SCEL: variants seen among roughly 807,000 people sequenced by gnomAD.
SCEL encodes the protein sciellin.
SCEL carries 113 observed loss-of-function variants against 117.6 expected under a neutral mutation model. The ratio of observed to expected loss-of-function variants is 0.96; its 90% CI spans 0.83 to 1.12. The LOEUF (loss-of-function observed/expected upper bound fraction) is 1.12. Among genes scored for constraint, SCEL ranks in the 50% most tolerant of loss-of-function variants. The probability of loss-of-function intolerance (pLI) is 0.00; values close to 1 mark genes in which losing one functional copy is unlikely to be tolerated. For missense variants in SCEL, 785 were observed against 810.8 expected (o/e 0.97, Z 0.39); for synonymous variants, 270 against 256.2 (o/e 1.05, Z -0.51).
At chr13:77,644,220 G>A (rs1252810583) in intron 32 of SCEL, 38 bp from the exon 33 acceptor site, 22 of 1,611,188 alleles carry the variant, frequency 1.4e-5, no homozygotes, top group Non-Finnish European at 1.8e-5. Flanking sequence ...GCTTGTTTCT[G>A]TACTGAATTT....
intron 1 of SCEL, among the ~76,000 whole-genome samples, chr13:77,545,711 G>A (rs542647725): frequency 6.6e-6 from 1 of 152,210 alleles, no homozygotes; most frequent in Non-Finnish European, 1.5e-5. Flanking sequence ...GATGATTTGG[G>A]TGACATGGAC....
intron 9 of SCEL, among the ~76,000 whole-genome samples, chr13:77,587,518 C>A (rs566536225): frequency 6.9e-4 from 105 of 152,198 alleles, no homozygotes; most frequent in African/African-American, 2.4e-3. Context: ...TTTCCTAAAT[C>A]CACTCGTATG....
chr13:77,543,150 C>G (rs1416054851), intron 1 of SCEL, among the ~76,000 whole-genome samples: 1 of 136,660 alleles, frequency 7.3e-6, no homozygotes, highest in Non-Finnish European at 1.5e-5. Flanking sequence ...GTGGCGGGAT[C>G]TCGGCTCACT....
In SCEL at chr13:77,556,612, T is replaced by G; in HGVS notation, c.60T>G (p.Thr20=). 1 of 1,613,838 alleles carries G rather than the reference T, an allele frequency of 6.2e-7. No individual in the cohort carries two copies. Among genetic ancestry groups the G allele is most frequent in the Non-Finnish European group, 8.5e-7 (1 of 1,179,760 alleles). The stretch of plus-strand genomic sequence containing the variant: ...TGTTGATAGAGATGAAGAGCACCAC[T>G]CAGGGAACCACACGGAAGCAGCAGG... ...SPTGNEMKST[T]QGTTRKQQDF... is the part of the protein sequence containing the mutation. Residue 20 remains threonine, a synonymous_variant, in exon 3 of 33, where the codon ACT becomes ACG. Transcript: ENST00000349847.
chr13:77,606,800 A>G (rs1033598062), intron 19 of SCEL, among the ~76,000 whole-genome samples: 2 of 152,190 alleles, frequency 1.3e-5, no homozygotes, highest in Non-Finnish European at 2.9e-5. Context: ...GCTTTTGGAC[A>G]TGGCCTTAAT....
chr13:77,628,826 A>G (rs1594172771), intron 28 of SCEL, among the ~76,000 whole-genome samples: 1 of 152,138 alleles, frequency 6.6e-6, no homozygotes, highest in South Asian at 2.1e-4. Flanking sequence ...TCCGACAGGT[A>G]GATAGTTTCT....
chr13:77,628,417 G>C (rs1265144376), intron 28 of SCEL, among the ~76,000 whole-genome samples: 3 of 151,840 alleles, frequency 2.0e-5, no homozygotes, highest in African/African-American at 7.3e-5. Context: ...CTCTTCCTTG[G>C]ATGCCTAGTG....
chr13:77,603,135 G>T lies in SCEL; in HGVS notation c.1097G>T (p.Gly366Val). ...CCCAAAGGACATGAAAATACCACTG[G>T]GTAAAAATAATTAATGTCTTTAATT... ...VNPKGHENTT[G>V]KKDLDGLIKV... The change falls in exon 18 of 33, where the codon GGA becomes GTA. Residue 366 changes from glycine to valine, a missense_variant and splice_region_variant. Transcript: ENST00000349847. 6.6e-7 allele frequency: 1 copy of T among 1,522,450 alleles called. No homozygotes were observed. The highest frequency in any genetic ancestry group is 1.2e-5 in the South Asian group (1 of 82,780). The allele number at this position is 1,522,450 out of a possible 1,614,324, so 94.3% of individuals were successfully genotyped here.
chr13:77,563,132 C>A (rs776626428), intron 4 of SCEL, among the ~76,000 whole-genome samples: 1 of 152,052 alleles, frequency 6.6e-6, no homozygotes, highest in African/African-American at 2.4e-5. Flanking sequence ...ATTCCCCCCC[C>A]ATTTTTGCTC....
At chr13:77,603,263 C>A (rs905574621) in intron 18 of SCEL, 128 bp downstream of exon 18, 8 of 472,848 alleles carry the variant, frequency 1.7e-5, no homozygotes, top group Non-Finnish European at 3.0e-5. Flanking sequence ...ATAGGCCACA[C>A]GACCATCCCT....
intron 30 of SCEL, among the ~76,000 whole-genome samples, chr13:77,637,404 A>T (rs2090352964): frequency 3.2e-5 from 2 of 61,882 alleles, no homozygotes; most frequent in South Asian, 1.8e-3. Context: ...ATATATACAT[A>T]TATAAATAAA....
At chr13:77,586,991 A>ACAT (rs749218108) in intron 9 of SCEL, among the ~76,000 whole-genome samples, 19 of 152,128 alleles carry the variant, frequency 1.2e-4, no homozygotes, top group Non-Finnish European at 2.6e-4. Flanking sequence ...ATATAATAGT[A>ACAT]CATCATCATC....
chr13:77,636,472 C>T (rs2090282661), intron 29 of SCEL, among the ~76,000 whole-genome samples: 2 of 152,144 alleles, frequency 1.3e-5, no homozygotes, highest in Non-Finnish European at 2.9e-5. Flanking sequence ...CATATTGCTC[C>T]TATTCTTAAT....
rs372632171 is a variant in SCEL, at chr13:77,633,077, G to A, written c.1692-1302G>A. 3.0e-3 allele frequency among the ~76,000 whole-genome samples: 462 copies of A among 152,358 alleles called. 1 individual carries two copies. The highest frequency in any genetic ancestry group is 0.01 in the Middle Eastern group (3 of 294). On this transcript the variant is annotated intron_variant, in intron 28 of 32. Coordinates refer to ENST00000349847, the MANE Select transcript of SCEL (RefSeq NM_144777.3). ...ACCTATAGATTATTCTTAAAGGTAA[G>A]GCAGAGGTTTCCGTAGAGGGAGTAA...
intron 2 of SCEL, among the ~76,000 whole-genome samples, 197 bp from the exon 3 acceptor site, chr13:77,556,398 CT>C (rs1258315015): frequency 6.6e-6 from 1 of 152,144 alleles, no homozygotes; most frequent in East Asian, 1.9e-4. Context: ...ACCTGAGCAA[CT>C]TTATGTGTTA....
At chr13:77,616,002 CTCTGTG>C (rs1350159673) in intron 24 of SCEL, among the ~76,000 whole-genome samples, 5,358 of 141,850 alleles carry the variant, frequency 0.038, 145 homozygotes, top group Middle Eastern at 0.061. Context: ...ATTTATGTCT[CTCTGTG>C]TGTGTGTGTG....
Position 77,604,359 on chromosome 13 carries a change from A to C in SCEL, c.1101A>C (p.Lys367Asn), listed in dbSNP as rs1204849845. 6.4e-7 allele frequency: 1 copy of C among 1,563,836 alleles called. No homozygotes were observed. Among genetic ancestry groups the C allele is most frequent in the Non-Finnish European group, 8.6e-7 (1 of 1,159,830 alleles). ...AAATTAATTTCCTTTTTCAAAGAAA[A>C]AAAGACCTTGATGGGCTTATTAAAG... ...NPKGHENTTG[K>N]KDLDGLIKVD... The change falls in exon 19 of 33, where the codon AAA (lysine) becomes AAC (asparagine). Residue 367 changes from lysine to asparagine, a missense_variant. Transcript: ENST00000349847.
chr13:77,551,152 C>T (rs2084297823), intron 1 of SCEL, among the ~76,000 whole-genome samples: 1 of 152,190 alleles, frequency 6.6e-6, no homozygotes, highest in African/African-American at 2.4e-5. Context: ...GGACATGTTG[C>T]ATCCTCTCTC....
At chr13:77,562,448 C>T (rs908486809) in intron 4 of SCEL, among the ~76,000 whole-genome samples, 3 of 152,106 alleles carry the variant, frequency 2.0e-5, no homozygotes, top group Non-Finnish European at 2.9e-5. Context: ...TTAACTGATG[C>T]TGTTCCCTCT....
Sources: allele counts gnomAD v4.1 joint callset (sites outside exome capture counted in the v4.1 genomes callset), GRCh38; gene constraint gnomAD v4.1.1; transcripts MANE v1.5; gene names NCBI Gene and HGNC (gene_info 2026-07-23, HGNC 2026-07-21).